RIMBP2: variants seen among roughly 807,000 people sequenced by gnomAD.
RIMBP2 encodes the protein RIMS-binding protein 2.
Under a neutral mutation model 118.6 loss-of-function variants are expected in RIMBP2, and 48 were observed. The observed-to-expected ratio is 0.40, with a 90% CI of 0.32 to 0.51. The LOEUF is 0.51. Among genes scored for constraint, RIMBP2 ranks in the 20% least tolerant of loss-of-function variants. The pLI, the probability that RIMBP2 is intolerant of heterozygous loss-of-function variation, is 0.41. For synonymous variants in RIMBP2, 762 were observed against 742.9 expected (o/e 1.03, Z -0.42); for missense variants, 1,551 against 1,768.3 (o/e 0.88, Z 2.20).
At chr12:130,524,190 C>T in intron 2 of RIMBP2, among the ~76,000 whole-genome samples, 1 of 152,160 alleles carries the variant, frequency 6.6e-6, no homozygotes, top group East Asian at 1.9e-4. Flanking sequence ...TGGTAATTAA[C>T]CCACCACGTC....
rs557119644 is a variant in RIMBP2, at chr12:130,424,315, T to C, written c.2956A>G (p.Asn986Asp). 2 of 1,231,374 alleles carry C rather than the reference T, an allele frequency of 1.6e-6. No individual in the cohort carries two copies. Among genetic ancestry groups the C allele is most frequent in the Non-Finnish European group, 2.0e-6 (2 of 987,706 alleles). 76.3% of individuals were successfully genotyped at this position (1,231,374 alleles called of 1,614,324 possible). ...EQVGPGGLLRNDDPQPGPERP... is the reference protein window; with the variant it reads ...EQVGPGGLLRDDDPQPGPERP... ...TCCGGGCCGGGCTGGGGGTCGTCGT[T>C]CCTGAGGAGGCCACCAGGGCCCACC... Residue 986 changes from asparagine (N) to aspartate (D), a missense_variant, in exon 16 of 23, where the codon AAC becomes GAC. By Grantham distance (23) the Asn-to-Asp change is conservative. Coordinates refer to ENST00000690449, the MANE Select transcript of RIMBP2 (RefSeq NM_001393629.1). The surrounding 1 kb of genome is among the most constrained non-coding windows in gnomAD (Gnocchi z 9.8).
intron 4 of RIMBP2, among the ~76,000 whole-genome samples, chr12:130,495,001 T>G (rs2049010314): frequency 6.6e-6 from 1 of 152,108 alleles, no homozygotes. Flanking sequence ...TGGTGATCTT[T>G]GACCAGAAGA....
intron 2 of RIMBP2, among the ~76,000 whole-genome samples, chr12:130,588,877 A>G (rs2059082651): frequency 6.6e-6 from 1 of 152,228 alleles, no homozygotes; most frequent in Non-Finnish European, 1.5e-5. Context: ...CTGTGCTTAA[A>G]CTGGTGTCCT....
At position 130,489,555 on chromosome 12, in the gene RIMBP2, G is replaced by C. The variant is rs78932618; in HGVS notation, c.-3-10539C>G. Among the ~76,000 whole-genome samples, 711 of 152,066 alleles carry C rather than the reference G, an allele frequency of 4.7e-3. 7 individuals are homozygous for C. Among genetic ancestry groups the C allele is most frequent in the African/African-American group, 0.016 (669 of 41,500 alleles). ...GCCTCTCGAGCTGTCTCCTGTAGAG[G>C]CTCCGTCTCCTGTAGAGGCTCCATC... On this transcript the variant is annotated intron_variant, in intron 4 of 22. Coordinates refer to ENST00000690449, the MANE Select transcript of RIMBP2 (RefSeq NM_001393629.1).
In RIMBP2 at chr12:130,646,075, C is replaced by T. The variant is rs867612570; in HGVS notation, c.-351-17619G>A. ...CCTCCCTCACCACCTGCCTCTCCACCTCCCTCACCACTTCCCTCTCCACCT... is the reference window on the plus strand; with the variant it reads ...CCTCCCTCACCACCTGCCTCTCCACTTCCCTCACCACTTCCCTCTCCACCT... On this transcript the variant is annotated intron_variant, in intron 1 of 22. Transcript: ENST00000690449. 6.7e-3 allele frequency among the ~76,000 whole-genome samples: 891 copies of T among 133,020 alleles called. 16 individuals are homozygous for T. Among genetic ancestry groups the T allele is most frequent in the Middle Eastern group, 0.012 (3 of 242 alleles). 87.3% of individuals were successfully genotyped at this position (133,020 alleles called of 152,430 possible).
chr12:130,412,497 A>G lies in RIMBP2; in HGVS notation c.3589+122T>C, dbSNP rs1185732702. 4.3e-6 allele frequency: 4 copies of G among 925,136 alleles called. No individual in the cohort carries two copies. In the African/African-American group the frequency reaches 6.6e-5, roughly 15 times the overall value. The allele number at this position is 925,136 out of a possible 1,614,324, so 57.3% of individuals were successfully genotyped here. Reference sequence around the variant, plus strand: ...AGAAAAATCACTGGTCAACATTTACATGACTTTGGCATATTTAAATGATGC... The same window carrying G: ...AGAAAAATCACTGGTCAACATTTACGTGACTTTGGCATATTTAAATGATGC... On this transcript the variant is annotated intron_variant, in intron 19 of 22. Coordinates refer to ENST00000690449, the MANE Select transcript of RIMBP2 (RefSeq NM_001393629.1).
At chr12:130,572,488 G>A (rs10848150) in intron 2 of RIMBP2, among the ~76,000 whole-genome samples, 40,681 of 151,812 alleles carry the variant, frequency 0.27, 6,315 homozygotes, top group East Asian at 0.37. Context: ...TTTACAAGGC[G>A]GCTGGAGACG....
intron 3 of RIMBP2, among the ~76,000 whole-genome samples, chr12:130,514,072 C>T (rs2051187583): frequency 6.6e-6 from 1 of 152,222 alleles, no homozygotes; most frequent in Non-Finnish European, 1.5e-5. Context: ...TGGGGACTGC[C>T]ACTCCCTCAA....
At chr12:130,558,733 G>C (rs2056576410) in intron 2 of RIMBP2, among the ~76,000 whole-genome samples, 1 of 152,210 alleles carries the variant, frequency 6.6e-6, no homozygotes, top group Non-Finnish European at 1.5e-5. Context: ...ACCTGCAAGG[G>C]CATCTGAATC....
chr12:130,453,720 C>G (rs908112329), intron 7 of RIMBP2, among the ~76,000 whole-genome samples: 1 of 152,214 alleles, frequency 6.6e-6, no homozygotes, highest in Non-Finnish European at 1.5e-5. Flanking sequence ...GATGAATACT[C>G]TTTGGGGATC....
At chr12:130,668,917 C>T (rs1241173939) in intron 1 of RIMBP2, among the ~76,000 whole-genome samples, 2 of 152,244 alleles carry the variant, frequency 1.3e-5, no homozygotes, top group Non-Finnish European at 2.9e-5. Context: ...CCCCGAGAGC[C>T]CCTGTACAGC....
chr12:130,480,228 C>T (rs2081855204), intron 4 of RIMBP2, among the ~76,000 whole-genome samples: 1 of 95,312 alleles, frequency 1.0e-5, no homozygotes, highest in Non-Finnish European at 2.6e-5. Flanking sequence ...CACACACACA[C>T]ACACACACCT....
intron 6 of RIMBP2, among the ~76,000 whole-genome samples, chr12:130,457,967 G>A (rs111914421): frequency 2.0e-5 from 3 of 152,086 alleles, no homozygotes; most frequent in Non-Finnish European, 4.4e-5. Flanking sequence ...CGACACTGAC[G>A]TTTCCCCCAG....
At chr12:130,522,937 G>A (rs544341527) in intron 2 of RIMBP2, among the ~76,000 whole-genome samples, 14 of 152,216 alleles carry the variant, frequency 9.2e-5, no homozygotes, top group East Asian at 1.9e-4. Flanking sequence ...GGACGATCTC[G>A]GTCTCGCTGC....
chr12:130,711,814 AG>A (rs1949935772), intron 1 of RIMBP2, among the ~76,000 whole-genome samples: 1 of 152,224 alleles, frequency 6.6e-6, no homozygotes. Flanking sequence ...ATGCCTCATT[AG>A]GTGATTTCGT....
At position 130,397,169 on chromosome 12, in the gene RIMBP2, C is replaced by T. The variant is rs975820347; in HGVS notation, c.*192G>A. On this transcript the variant is annotated 3_prime_UTR_variant, in exon 23 of 23. Transcript: ENST00000690449. ...TTGGACAATGAGAGCAGACTGCCAGCGGTGACAGAGAGCAACCGCTCCTCT... is the reference window on the plus strand; with the variant it reads ...TTGGACAATGAGAGCAGACTGCCAGTGGTGACAGAGAGCAACCGCTCCTCT... 14 of 351,236 alleles carry T rather than the reference C, an allele frequency of 4.0e-5. No individual in the cohort carries two copies. Among genetic ancestry groups the T allele is most frequent in the African/African-American group, 1.3e-4 (6 of 47,668 alleles). The allele number at this position is 351,236 out of a possible 1,614,324, so 21.8% of individuals were successfully genotyped here.
chr12:130,571,910 C>T (rs1327198864), intron 2 of RIMBP2, among the ~76,000 whole-genome samples: 2 of 152,204 alleles, frequency 1.3e-5, no homozygotes, highest in Non-Finnish European at 2.9e-5. Flanking sequence ...CCCACCTGGA[C>T]ACCCCTAGAG....
intron 19 of RIMBP2, 33 bp from the exon 20 acceptor site, chr12:130,407,862 C>T (rs1366070039): frequency 6.3e-7 from 1 of 1,582,014 alleles, no homozygotes; most frequent in Admixed American, 1.7e-5. Context: ...AGAAATCCAT[C>T]ATGAGGTTAT....
intron 3 of RIMBP2, among the ~76,000 whole-genome samples, chr12:130,509,601 T>C (rs138474234): frequency 6.6e-6 from 1 of 152,244 alleles, no homozygotes; most frequent in African/African-American, 2.4e-5. Context: ...CCCAACAGTG[T>C]CCTTCTACAG....
Sources: allele counts gnomAD v4.1 joint callset (sites outside exome capture counted in the v4.1 genomes callset), GRCh38; gene constraint gnomAD v4.1.1; non-coding constraint Gnocchi (gnomAD v3.1); transcripts MANE v1.5; gene names NCBI Gene and HGNC (gene_info 2026-07-23, HGNC 2026-07-21).